The following PDE1A variants were observed in gnomAD, a reference collection of about 807,000 sequenced individuals.
The protein encoded by PDE1A is dual specificity calcium/calmodulin-dependent 3',5'-cyclic nucleotide phosphodiesterase 1A.
Under a neutral mutation model 61.7 loss-of-function variants are expected in PDE1A, and 35 were observed. The ratio of observed to expected loss-of-function variants is 0.57; its 90% CI spans 0.43 to 0.75. The LOEUF (loss-of-function observed/expected upper bound fraction) is 0.75, where lower values mean the gene tolerates loss of function less well. Ranked by LOEUF, PDE1A falls within the 30% of genes least tolerant of loss-of-function variation. The pLI, the probability that PDE1A is intolerant of heterozygous loss-of-function variation, is 0.00. For missense variants in PDE1A, 597 were observed against 630.6 expected (o/e 0.95, Z 0.57); for synonymous variants, 232 against 213.2 (o/e 1.09, Z -0.77).
intron 2 of PDE1A, among the ~76,000 whole-genome samples, chr2:182,515,368 A>G (rs1455035324): frequency 6.6e-6 from 1 of 152,230 alleles, no homozygotes; most frequent in Non-Finnish European, 1.5e-5. Flanking sequence ...TGAATGATCA[A>G]TTCAATTAAT....
chr2:182,639,850 CAT>C, the PDE1A span, among the ~76,000 whole-genome samples: 8,817 of 148,970 alleles, frequency 0.059, 286 homozygotes, highest in Middle Eastern at 0.089. Flanking sequence ...AGCTCTGAAA[CAT>C]ATAATTTATA....
At chr2:182,520,542 A>G (rs761101276) in intron 2 of PDE1A, among the ~76,000 whole-genome samples, 3 of 151,968 alleles carry the variant, frequency 2.0e-5, no homozygotes, top group Non-Finnish European at 4.4e-5. Flanking sequence ...CTTTTCTGAA[A>G]TAAAATGACA....
chr2:182,547,988 T>C, the PDE1A span, among the ~76,000 whole-genome samples: 1 of 152,074 alleles, frequency 6.6e-6, no homozygotes, highest in Admixed American at 6.5e-5. Flanking sequence ...ATATGGGAAT[T>C]GCTTACCCTA....
At chr2:182,464,616 AT>A (rs1193942132) in intron 2 of PDE1A, among the ~76,000 whole-genome samples, 1 of 152,148 alleles carries the variant, frequency 6.6e-6, no homozygotes, top group Admixed American at 6.6e-5. Context: ...ATAATAACAG[AT>A]TTAATTTATG....
chr2:182,150,394 T>A (rs1283371662), intron 13 of PDE1A, among the ~76,000 whole-genome samples: 1 of 152,220 alleles, frequency 6.6e-6, no homozygotes, highest in Non-Finnish European at 1.5e-5. Context: ...TGGCTTTTAA[T>A]TCACTGGTAC....
intron 1 of PDE1A, among the ~76,000 whole-genome samples, chr2:182,321,542 T>C (rs1352419480): frequency 6.6e-6 from 1 of 152,148 alleles, no homozygotes; most frequent in African/African-American, 2.4e-5. Context: ...ATCCTCCTAC[T>C]ATATGGATCA....
At chr2:182,544,987 T>A in the PDE1A span, among the ~76,000 whole-genome samples, 1 of 152,196 alleles carries the variant, frequency 6.6e-6, no homozygotes, top group African/African-American at 2.4e-5. Flanking sequence ...ATTATTTTTA[T>A]AATAATTAAA....
chr2:182,707,609 T>A, the PDE1A span, among the ~76,000 whole-genome samples: 6 of 152,336 alleles, frequency 3.9e-5, no homozygotes, highest in African/African-American at 1.4e-4. Flanking sequence ...AATGGTCCTA[T>A]ATCTAGCAAA....
the PDE1A span, among the ~76,000 whole-genome samples, chr2:182,616,236 G>C: frequency 0.13 from 20,231 of 152,112 alleles, 1,531 homozygotes; most frequent in Middle Eastern, 0.23. Flanking sequence ...TGGAGCCTAT[G>C]GCAAAAGTTC....
At chr2:182,464,717 A>G (rs1000171748) in intron 2 of PDE1A, among the ~76,000 whole-genome samples, 1 of 152,186 alleles carries the variant, frequency 6.6e-6, no homozygotes, top group African/African-American at 2.4e-5. Flanking sequence ...ATAGCCAAGG[A>G]TCAGGGTCAG....
At chr2:182,399,676 C>T (rs1316477150) in intron 1 of PDE1A, among the ~76,000 whole-genome samples, 1 of 151,860 alleles carries the variant, frequency 6.6e-6, no homozygotes, top group Non-Finnish European at 1.5e-5. Flanking sequence ...TAAGTGAAAC[C>T]ATTCTAGTAT....
intron 2 of PDE1A, among the ~76,000 whole-genome samples, chr2:182,511,554 C>A (rs890065819): frequency 6.6e-6 from 1 of 152,186 alleles, no homozygotes; most frequent in African/African-American, 2.4e-5. Context: ...CTTAAGCCTG[C>A]ACAGAGCCTG....
intron 1 of PDE1A, among the ~76,000 whole-genome samples, chr2:182,421,054 G>A (rs150411720): frequency 1.3e-4 from 20 of 152,184 alleles, no homozygotes; most frequent in African/African-American, 2.9e-4. Context: ...CCTACAGGTC[G>A]TCTTTTAAAC....
chr2:182,386,698 C>T (rs939653187), intron 1 of PDE1A, among the ~76,000 whole-genome samples: 2 of 151,490 alleles, frequency 1.3e-5, no homozygotes, highest in African/African-American at 2.4e-5. Flanking sequence ...GCAGCTGCCC[C>T]GTCTGGGAAG....
the PDE1A span, among the ~76,000 whole-genome samples, chr2:182,629,140 G>A: frequency 1.3e-5 from 2 of 152,092 alleles, no homozygotes; most frequent in African/African-American, 4.8e-5. Flanking sequence ...GCAGTCCCGA[G>A]GAAATTAATT....
At chr2:182,575,311 G>A in the PDE1A span, among the ~76,000 whole-genome samples, 2 of 152,068 alleles carry the variant, frequency 1.3e-5, no homozygotes, top group African/African-American at 4.8e-5. Context: ...CATTGTGGAG[G>A]AGTACACTGA....
intron 1 of PDE1A, among the ~76,000 whole-genome samples, chr2:182,379,430 C>A (rs371705273): frequency 6.6e-6 from 1 of 152,196 alleles, no homozygotes; most frequent in Admixed American, 6.5e-5. Flanking sequence ...CCCTTGCTGA[C>A]AGGATCTCTG....
intron 2 of PDE1A, among the ~76,000 whole-genome samples, chr2:182,245,750 A>G (rs1270543463): frequency 1.3e-5 from 2 of 152,184 alleles, no homozygotes; most frequent in Non-Finnish European, 1.5e-5. Flanking sequence ...GCATTCTACT[A>G]TTGAAGGACA....
intron 2 of PDE1A, among the ~76,000 whole-genome samples, chr2:182,503,831 C>T (rs996923722): frequency 3.9e-5 from 6 of 152,070 alleles, no homozygotes; most frequent in East Asian, 1.9e-4. Flanking sequence ...AGGTAGGGAT[C>T]GTATCTGGAC....
Sources: gnomAD v4.1 joint callset for allele counts (sites outside exome capture counted in the v4.1 genomes callset) on GRCh38, gnomAD v4.1.1 for gene constraint, MANE v1.5 for transcripts, NCBI Gene and HGNC (gene_info 2026-07-23, HGNC 2026-07-21) for gene names.